The following ST7 variants were observed in gnomAD, a reference collection of about 807,000 sequenced individuals.
ST7 encodes suppressor of tumorigenicity 7 protein.
A neutral mutation model predicts 78.7 loss-of-function variants in ST7; 28 were observed. That is an observed-to-expected ratio of 0.36 (90% CI 0.26 to 0.49). The LOEUF (loss-of-function observed/expected upper bound fraction) is 0.49, where lower values mean the gene tolerates loss of function less well. ST7 is among the 20% of genes least tolerant of loss of function. The pLI, the probability that ST7 is intolerant of heterozygous loss-of-function variation, is 0.99. For missense variants in ST7, 418 were observed against 696.0 expected (o/e 0.60, Z 4.49); for synonymous variants, 247 against 249.6 (o/e 0.99, Z 0.10).
chr7:117,189,589 A>G (rs1025937075), intron 11 of ST7, among the ~76,000 whole-genome samples, 196 bp downstream of exon 11: 1 of 152,216 alleles, frequency 6.6e-6, no homozygotes, highest in African/African-American at 2.4e-5. Context: ...AAGGGTGTGT[A>G]AAGGTATCCT....
intron 1 of ST7, among the ~76,000 whole-genome samples, chr7:116,982,968 A>G (rs1372220750): frequency 6.6e-6 from 1 of 151,960 alleles, no homozygotes; most frequent in Admixed American, 6.6e-5. Context: ...GTGCAGTCTC[A>G]GCTCACTGCA....
chr7:117,218,225 G>A (rs995261124), intron 13 of ST7, among the ~76,000 whole-genome samples: 2 of 152,124 alleles, frequency 1.3e-5, no homozygotes, highest in African/African-American at 4.8e-5. Context: ...CCCAGAGTAG[G>A]GTAGAGCTTT....
chr7:117,067,011 T>C (rs1450842623), intron 1 of ST7, among the ~76,000 whole-genome samples: 1 of 152,172 alleles, frequency 6.6e-6, no homozygotes, highest in Non-Finnish European at 1.5e-5. Context: ...ATTTGGCCTT[T>C]TGTGAATGGC....
intron 2 of ST7, among the ~76,000 whole-genome samples, chr7:117,115,098 G>A (rs972433681): frequency 1.5e-4 from 23 of 152,090 alleles, no homozygotes; most frequent in Admixed American, 3.3e-4. Context: ...CTTCTGCCTT[G>A]TAAGATATAG....
Position 117,229,986 on chromosome 7 carries a change from G to A in ST7, c.*129G>A, listed in dbSNP as rs1793688589. Reference sequence around the variant, plus strand: ...ATTCCGAGATTTTAAAATGTTCATGGACTATTCCATATTAAAAGCTGTTTT... The same window carrying A: ...ATTCCGAGATTTTAAAATGTTCATGAACTATTCCATATTAAAAGCTGTTTT... On this transcript the variant is annotated 3_prime_UTR_variant, in exon 16 of 16. Transcript: ENST00000323984. 1 of 858,828 alleles carries A rather than the reference G, an allele frequency of 1.2e-6. No homozygotes were observed. The highest frequency in any genetic ancestry group is 2.0e-6 in the Non-Finnish European group (1 of 496,116). 53.2% of individuals were successfully genotyped at this position (858,828 alleles called of 1,614,324 possible).
At chr7:117,013,218 G>A (rs1189418337) in intron 1 of ST7, among the ~76,000 whole-genome samples, 2 of 152,132 alleles carry the variant, frequency 1.3e-5, no homozygotes, top group African/African-American at 2.4e-5. Context: ...TTATTATCAG[G>A]CATTTTGAGC....
rs545800802 is a variant in ST7, at chr7:117,111,120, C to G, written c.235-8441C>G. Among the ~76,000 whole-genome samples the G allele has an allele frequency of 3.3e-5, 5 of 152,230 alleles. No individual in the cohort carries two copies. The East Asian group carries it at 9.6e-4, about 29-fold the overall frequency. On this transcript the variant is annotated intron_variant, in intron 2 of 15. Transcript: ENST00000323984. ...TTAGGGACTCAGCTTTGCCAGGCCT[C>G]GAAATGAACCCAGGGTAAGGTTTCT...
intron 13 of ST7, among the ~76,000 whole-genome samples, chr7:117,217,181 T>G (rs774979244): frequency 6.6e-6 from 1 of 152,088 alleles, no homozygotes; most frequent in Non-Finnish European, 1.5e-5. Context: ...GCATTCAAAT[T>G]TATAGCCACT....
chr7:117,129,557 G>A (rs186942007), intron 3 of ST7, among the ~76,000 whole-genome samples: 1 of 151,980 alleles, frequency 6.6e-6, no homozygotes, highest in East Asian at 1.9e-4. Flanking sequence ...CATGCATCTT[G>A]ATTTGGCAAG....
At chr7:117,178,186 A>AT (rs1563144584) in intron 10 of ST7, among the ~76,000 whole-genome samples, 1 of 152,120 alleles carries the variant, frequency 6.6e-6, no homozygotes, top group Non-Finnish European at 1.5e-5. Flanking sequence ...AAATAGGTTA[A>AT]TTTTTTTCAA....
At chr7:117,143,009 T>C (rs1805455381) in intron 9 of ST7, among the ~76,000 whole-genome samples, 1 of 152,096 alleles carries the variant, frequency 6.6e-6, no homozygotes, top group East Asian at 1.9e-4. Flanking sequence ...CAGCCTGGTT[T>C]TGGGGGCTGT....
intron 1 of ST7, among the ~76,000 whole-genome samples, chr7:116,963,142 C>G (rs1792920828): frequency 6.6e-6 from 1 of 152,172 alleles, no homozygotes; most frequent in Non-Finnish European, 1.5e-5. Flanking sequence ...CCTCGATATT[C>G]TTTCTAAAAC....
At chr7:117,051,352 A>G (rs560634849) in intron 1 of ST7, among the ~76,000 whole-genome samples, 1 of 152,350 alleles carries the variant, frequency 6.6e-6, no homozygotes, top group South Asian at 2.1e-4. Flanking sequence ...TGAGGAGTTG[A>G]GATTCAAGAT....
intron 2 of ST7, among the ~76,000 whole-genome samples, chr7:117,111,721 C>T (rs1802446382): frequency 6.6e-6 from 1 of 152,196 alleles, no homozygotes; most frequent in Admixed American, 6.5e-5. Context: ...CAGTCCAGTT[C>T]CATCCACAAG....
chr7:117,125,449 A>C (rs866201454), intron 3 of ST7, among the ~76,000 whole-genome samples: 1 of 152,132 alleles, frequency 6.6e-6, no homozygotes, highest in Non-Finnish European at 1.5e-5. Flanking sequence ...AGATAGTAAC[A>C]TATTTGTTGA....
chr7:117,204,080 A>G (rs1791503307), intron 12 of ST7, among the ~76,000 whole-genome samples: 3 of 152,314 alleles, frequency 2.0e-5, no homozygotes, highest in Admixed American at 2.0e-4. Context: ...GCTTGCCTCC[A>G]TATCGGTCGG....
chr7:117,164,681 G>A (rs750899378), intron 9 of ST7, among the ~76,000 whole-genome samples: 5 of 152,202 alleles, frequency 3.3e-5, no homozygotes, highest in South Asian at 2.1e-4. Flanking sequence ...TGATACAATA[G>A]CATTGTGTGA....
intron 9 of ST7, among the ~76,000 whole-genome samples, chr7:117,169,517 C>T (rs1807822931): frequency 1.3e-5 from 2 of 152,142 alleles, no homozygotes; most frequent in African/African-American, 4.8e-5. Context: ...CAGTGAAGTT[C>T]AATATTATAT....
In ST7 at chr7:117,079,573, C is replaced by T. The variant is rs1029586340; in HGVS notation, c.152-20189C>T. On this transcript the variant is annotated intron_variant, in intron 1 of 15. Coordinates refer to ENST00000323984, the MANE Select transcript of ST7 (RefSeq NM_001369598.1). ...GTTGTTGCTGCTATTATTCTGTCAA[C>T]TTATTCTTAAATAACTTGTTTTAAC... Among the ~76,000 whole-genome samples, 2 of 152,284 alleles carry T rather than the reference C, an allele frequency of 1.3e-5. 1 individual carries two copies. The highest frequency in any genetic ancestry group is 6.8e-3 in the Middle Eastern group (2 of 294).
Sources: gnomAD v4.1 joint callset for allele counts (sites outside exome capture counted in the v4.1 genomes callset) on GRCh38, gnomAD v4.1.1 for gene constraint, MANE v1.5 for transcripts, NCBI Gene and HGNC (gene_info 2026-07-23, HGNC 2026-07-21) for gene names.